Variants in RBFOX1 observed in about 807,000 individuals in gnomAD.
The protein encoded by RBFOX1 is RNA binding fox-1 homolog 1, also known as RNA binding protein fox-1 homolog 1.
In RBFOX1, 8 loss-of-function variants were observed where a neutral mutation model predicts 57.7. That is an observed-to-expected ratio of 0.14 (90% CI 0.08 to 0.25). The LOEUF is 0.25. Among genes scored for constraint, RBFOX1 ranks in the 10% least tolerant of loss-of-function variants. RBFOX1 has a pLI of 1.00. For missense variants in RBFOX1, 611 were observed against 548.5 expected, an observed-to-expected ratio of 1.11 and a Z score of -1.14; for synonymous variants, 326 against 222.4, an observed-to-expected ratio of 1.47 and a Z score of -4.15.
chr16:5,909,326 T>A (rs920021605), intron 4 of RBFOX1, among the ~76,000 whole-genome samples: 1 of 152,070 alleles, frequency 6.6e-6, no homozygotes, highest in Non-Finnish European at 1.5e-5. Context: ...TCTCTGGACC[T>A]CATCATCCGC....
intron 2 of RBFOX1, among the ~76,000 whole-genome samples, chr16:6,618,180 C>G (rs1238783852): frequency 1.3e-5 from 2 of 152,144 alleles, no homozygotes; most frequent in East Asian, 1.9e-4. Flanking sequence ...GTCTGACTCT[C>G]CAGTTCACCT....
At chr16:7,040,241 G>T (rs963796387) in intron 3 of RBFOX1, among the ~76,000 whole-genome samples, 1 of 151,680 alleles carries the variant, frequency 6.6e-6, no homozygotes, top group Non-Finnish European at 1.5e-5. Context: ...GGATGGTCTC[G>T]ATCTCTTGAC....
chr16:6,649,306 G>T (rs62017864), intron 2 of RBFOX1, among the ~76,000 whole-genome samples: 60,505 of 152,066 alleles, frequency 0.4, 13,174 homozygotes, highest in South Asian at 0.52. Context: ...GTATTCTGTT[G>T]TGTATATATA....
intron 4 of RBFOX1, among the ~76,000 whole-genome samples, chr16:7,386,354 A>G (rs1597134569): frequency 6.6e-6 from 1 of 152,102 alleles, no homozygotes; most frequent in Non-Finnish European, 1.5e-5. Flanking sequence ...TCTACATTAG[A>G]TATTTCTCCT....
At chr16:6,224,851 C>T (rs2097403971) in intron 1 of RBFOX1, among the ~76,000 whole-genome samples, 1 of 151,898 alleles carries the variant, frequency 6.6e-6, no homozygotes. Flanking sequence ...GAAACCCCAT[C>T]TCTATTTAAT....
At chr16:6,485,913 C>G (rs1462703278) in intron 2 of RBFOX1, among the ~76,000 whole-genome samples, 3 of 151,998 alleles carry the variant, frequency 2.0e-5, no homozygotes, top group Non-Finnish European at 2.9e-5. Context: ...ACTATCAGTG[C>G]TGACTTATGG....
At chr16:5,493,988 A>G (rs994736506) in intron 2 of RBFOX1, among the ~76,000 whole-genome samples, 1 of 152,246 alleles carries the variant, frequency 6.6e-6, no homozygotes, top group African/African-American at 2.4e-5. Flanking sequence ...AAGGGCAGAG[A>G]TAAACAGCCT....
At chr16:5,529,008 G>C (rs1391055515) in intron 2 of RBFOX1, among the ~76,000 whole-genome samples, 1 of 151,944 alleles carries the variant, frequency 6.6e-6, no homozygotes, top group African/African-American at 2.4e-5. Flanking sequence ...TGCATGCAGT[G>C]GAGTAACCAC....
intron 3 of RBFOX1, among the ~76,000 whole-genome samples, chr16:6,724,511 ATCT>A (rs1424731401): frequency 6.6e-6 from 1 of 152,078 alleles, no homozygotes; most frequent in Admixed American, 6.5e-5. Flanking sequence ...CCTGGCTGCC[ATCT>A]TCTGTGGACG....
chr16:5,392,528 TA>T (rs960604576), intron 1 of RBFOX1, among the ~76,000 whole-genome samples: 109 of 149,808 alleles, frequency 7.3e-4, no homozygotes, highest in African/African-American at 1.6e-3. Context: ...TATATATATA[TA>T]TTTTTTTTCT....
At chr16:7,413,084 A>G (rs6500959) in intron 4 of RBFOX1, among the ~76,000 whole-genome samples, 33,645 of 151,946 alleles carry the variant, frequency 0.22, 4,974 homozygotes, top group African/African-American at 0.42. Flanking sequence ...AAAATAAAAA[A>G]TAAAAAAATA....
chr16:6,125,202 T>G (rs2096580733), intron 1 of RBFOX1, among the ~76,000 whole-genome samples: 1 of 152,212 alleles, frequency 6.6e-6, no homozygotes, highest in African/African-American at 2.4e-5. Flanking sequence ...CATATCTTTG[T>G]CAAGCCCCCA....
At position 5,544,852 on chromosome 16, in the gene RBFOX1, A is replaced by C. The variant is rs144487039; in HGVS notation, c.259-54050A>C. ...GCTAAAGCTAATTTAAGAACTAGGTAACCGTATTAACCCTATATCAAGTTT... is the reference window on the plus strand; with the variant it reads ...GCTAAAGCTAATTTAAGAACTAGGTCACCGTATTAACCCTATATCAAGTTT... On this transcript the variant is annotated intron_variant, in intron 2 of 2. Transcript: ENST00000585867. 4.4e-3 allele frequency among the ~76,000 whole-genome samples: 665 copies of C among 152,124 alleles called. 4 individuals carry two copies. The highest frequency in any genetic ancestry group is 0.015 in the African/African-American group (635 of 41,466).
chr16:6,771,582 T>C (rs2078303202), intron 3 of RBFOX1, among the ~76,000 whole-genome samples: 1 of 152,166 alleles, frequency 6.6e-6, no homozygotes, highest in Admixed American at 6.5e-5. Flanking sequence ...ATGCAGATAG[T>C]ATAGAGAGCT....
chr16:6,639,380 A>G (rs2098468889), intron 2 of RBFOX1, among the ~76,000 whole-genome samples: 2 of 152,168 alleles, frequency 1.3e-5, no homozygotes, highest in East Asian at 1.9e-4. Flanking sequence ...TAGACTATCT[A>G]TCAGCTTCCC....
At chr16:5,604,906 C>T (rs1183069489), downstream of RBFOX1, among the ~76,000 whole-genome samples, 2 of 152,214 alleles carry the variant, frequency 1.3e-5, no homozygotes, top group South Asian at 4.1e-4. Flanking sequence ...TCCCCTGCTG[C>T]AGTCTCAGCA....
intron 3 of RBFOX1, among the ~76,000 whole-genome samples, chr16:5,670,142 C>T (rs1015765989): frequency 6.6e-6 from 1 of 151,464 alleles, no homozygotes; most frequent in Non-Finnish European, 1.5e-5. Flanking sequence ...AAATTCATAG[C>T]GACAGCAGAT....
intron 4 of RBFOX1, among the ~76,000 whole-genome samples, chr16:7,276,668 C>A (rs1175343924): frequency 6.6e-6 from 1 of 152,170 alleles, no homozygotes; most frequent in Non-Finnish European, 1.5e-5. Context: ...CCTCTCCCAA[C>A]CTCAGTTCAT....
At chr16:5,645,881 C>G (rs527311247) in intron 3 of RBFOX1, among the ~76,000 whole-genome samples, 9 of 152,286 alleles carry the variant, frequency 5.9e-5, no homozygotes, top group African/African-American at 2.2e-4. Context: ...TGTTGTTATG[C>G]TGGAATGCAA....
Sources: allele counts gnomAD v4.1 joint callset (sites outside exome capture counted in the v4.1 genomes callset), GRCh38; gene constraint gnomAD v4.1.1; transcripts MANE v1.5; gene names NCBI Gene and HGNC (gene_info 2026-07-23, HGNC 2026-07-21).